The following ADGRF5 variants were observed in gnomAD, a reference collection of about 807,000 sequenced individuals.
ADGRF5 encodes the protein adhesion G protein-coupled receptor F5.
ADGRF5 carries 75 observed loss-of-function variants against 132.3 expected under a neutral mutation model. That is an observed-to-expected ratio of 0.57 (90% CI 0.47 to 0.69). ADGRF5 has a LOEUF of 0.69. ADGRF5 is among the 30% of genes least tolerant of loss of function. ADGRF5 has a pLI of 0.00. For missense variants in ADGRF5, 1,516 were observed against 1,630.6 expected, an observed-to-expected ratio of 0.93 and a Z score of 1.21; for synonymous variants, 629 against 597.6, an observed-to-expected ratio of 1.05 and a Z score of -0.77.
chr6:46,879,792 A>C, intron 9 of ADGRF5, 26 bp downstream of exon 9: 1 of 1,458,754 alleles, frequency 6.9e-7, no homozygotes, highest in Non-Finnish European at 9.6e-7. Flanking sequence ...TCCATTCCTC[A>C]CACAAGTTAC....
intron 2 of ADGRF5, among the ~76,000 whole-genome samples, chr6:46,904,484 T>A (rs779962311): frequency 1.3e-5 from 2 of 152,290 alleles, no homozygotes; most frequent in East Asian, 1.9e-4. Context: ...CTACAGGAGT[T>A]ATCTAGAATC....
At chr6:46,887,040 C>G (rs980911908) in intron 4 of ADGRF5, 2 of 152,068 alleles carry the variant, frequency 1.3e-5, no homozygotes, top group Admixed American at 6.6e-5. Context: ...TGAAGTCATC[C>G]CATCTCTAGT....
chr6:46,934,072 T>TA (rs1348215441), intron 1 of ADGRF5, among the ~76,000 whole-genome samples: 3 of 152,200 alleles, frequency 2.0e-5, no homozygotes, highest in Non-Finnish European at 4.4e-5. Flanking sequence ...TGCACATACT[T>TA]ACGGCACATC....
At chr6:46,883,000 ACT>A (rs1772650461) in intron 6 of ADGRF5, among the ~76,000 whole-genome samples, 1 of 152,206 alleles carries the variant, frequency 6.6e-6, no homozygotes, top group African/African-American at 2.4e-5. Flanking sequence ...AAATATGTTA[ACT>A]CTAGCAAAGT....
At position 46,852,963 on chromosome 6, in the gene ADGRF5, A is replaced by G. The variant is rs1768650967; in HGVS notation, c.*1029T>C. The G allele has an allele frequency of 6.6e-6, 1 of 152,632 alleles. No individual in the cohort carries two copies. The highest frequency in any genetic ancestry group is 1.9e-4 in the East Asian group (1 of 5,196). The allele number at this position is 152,632 out of a possible 1,614,324, so 9.5% of individuals were successfully genotyped here. A position where few individuals can be genotyped will look rare whatever the true frequency, so the allele number is the denominator to read the frequency against. ...ATAAGATTATTAAAATCTATTCTATAATGCACAGAGAAGTACCTGCTTGAA... is the reference window on the plus strand; with the variant it reads ...ATAAGATTATTAAAATCTATTCTATGATGCACAGAGAAGTACCTGCTTGAA... On this transcript the variant is annotated 3_prime_UTR_variant, in exon 21 of 21. Coordinates refer to ENST00000283296, the MANE Select transcript of ADGRF5 (RefSeq NM_001098518.2).
At chr6:46,932,522 C>T (rs932108487) in intron 1 of ADGRF5, among the ~76,000 whole-genome samples, 8 of 152,090 alleles carry the variant, frequency 5.3e-5, no homozygotes, top group Admixed American at 5.2e-4. Flanking sequence ...ACATTAATGC[C>T]CCCTGAAGCC....
intron 1 of ADGRF5, among the ~76,000 whole-genome samples, chr6:46,915,135 C>T (rs182938834): frequency 3.2e-4 from 48 of 152,098 alleles, no homozygotes; most frequent in Admixed American, 1.1e-3. Flanking sequence ...GGATTATAGA[C>T]GTGAGCCACT....
Position 46,878,186 on chromosome 6 carries a change from T to C in ADGRF5, c.1240+16A>G. 6.4e-7 allele frequency: 1 copy of C among 1,565,258 alleles called. No individual in the cohort carries two copies. The highest frequency in any genetic ancestry group is 8.8e-7 in the Non-Finnish European group (1 of 1,135,378). On this transcript the variant is annotated intron_variant, in intron 10 of 20. Coordinates refer to ENST00000283296, the MANE Select transcript of ADGRF5 (RefSeq NM_001098518.2). ...GCAAAAACCTATTTGCAAAAGGGCT[T>C]ATCTAACATTCTCACCTGGAATATT... is the stretch of plus-strand genomic sequence containing the variant.
At chr6:46,943,065 A>G (rs1778155106) in intron 1 of ADGRF5, among the ~76,000 whole-genome samples, 1 of 152,172 alleles carries the variant, frequency 6.6e-6, no homozygotes, top group Non-Finnish European at 1.5e-5. Flanking sequence ...GACACAGGAA[A>G]TTGTTGACTA....
intron 2 of ADGRF5, among the ~76,000 whole-genome samples, chr6:46,902,319 A>T (rs1224279485): frequency 6.6e-6 from 1 of 152,060 alleles, no homozygotes; most frequent in Non-Finnish European, 1.5e-5. Flanking sequence ...CAGTTAGGGG[A>T]CTCAGACAAC....
At chr6:46,878,029 T>C (rs767294255) in intron 10 of ADGRF5, among the ~76,000 whole-genome samples, 173 bp downstream of exon 10, 1 of 152,194 alleles carries the variant, frequency 6.6e-6, no homozygotes, top group Non-Finnish European at 1.5e-5. Context: ...TTTTGGGGTC[T>C]TGTTCTAGAG....
intron 10 of ADGRF5, among the ~76,000 whole-genome samples, chr6:46,873,185 C>T (rs532327608): frequency 1.3e-5 from 2 of 152,114 alleles, no homozygotes; most frequent in South Asian, 2.1e-4. Context: ...TCCCCTTCAA[C>T]CCCCAGATAC....
chr6:46,923,834 G>A (rs1245465865), upstream of ADGRF5, among the ~76,000 whole-genome samples: 1 of 152,216 alleles, frequency 6.6e-6, no homozygotes, highest in Non-Finnish European at 1.5e-5. Flanking sequence ...AGAATGAACT[G>A]TGGATGGAGA....
At chr6:46,877,626 G>A (rs1771965118) in intron 10 of ADGRF5, among the ~76,000 whole-genome samples, 1 of 151,804 alleles carries the variant, frequency 6.6e-6, no homozygotes, top group South Asian at 2.1e-4. Flanking sequence ...GGGAACTTTA[G>A]GTAAGATTTC....
chr6:46,914,184 C>A lies in ADGRF5; in HGVS notation c.-24-7398G>T, dbSNP rs1283806834. On this transcript the variant is annotated intron_variant, in intron 1 of 20. Coordinates refer to ENST00000283296, the MANE Select transcript of ADGRF5 (RefSeq NM_001098518.2). The stretch of plus-strand genomic sequence containing the variant: ...ACTATGATTATTACTCTGCTCATCT[C>A]CATGAGATACAGAGTTGCAATAAGG... Among the ~76,000 whole-genome samples, 4 of 152,282 alleles carry A rather than the reference C, an allele frequency of 2.6e-5. No homozygotes were observed. In the East Asian group the frequency reaches 7.7e-4, roughly 29 times the overall value.
chr6:46,953,325 G>C (rs529660146), intron 1 of ADGRF5, among the ~76,000 whole-genome samples: 108 of 152,168 alleles, frequency 7.1e-4, no homozygotes, highest in African/African-American at 2.5e-3. Flanking sequence ...GAGTGCAATA[G>C]AAATATTTCA....
Position 46,858,876 on chromosome 6 carries a change from T to G in ADGRF5, c.3027A>C (p.Gly1009=), listed in dbSNP as rs1769372074. 6.2e-7 allele frequency: 1 copy of G among 1,613,982 alleles called. No individual in the cohort carries two copies. Among genetic ancestry groups the G allele is most frequent in the Non-Finnish European group, 8.5e-7 (1 of 1,179,954 alleles). ...CATAAGAAATAATATCCAGGAGTAT[T>G]CCCAGGAGAGAACTAGGATCTGGGG... ...PDSPDPSSLL[G]ILLDIISYVG... is the part of the protein sequence containing the mutation. Residue 1009 remains glycine, a synonymous_variant, in exon 17 of 21, where the codon GGA becomes GGC. Transcript: ENST00000283296.
chr6:46,890,015 A>T (rs573066951), intron 3 of ADGRF5, among the ~76,000 whole-genome samples: 1 of 152,208 alleles, frequency 6.6e-6, no homozygotes, highest in South Asian at 2.1e-4. Flanking sequence ...GCTAGAATAT[A>T]TAACTGAAGC....
At chr6:46,919,619 C>T (rs1173126910) in intron 1 of ADGRF5, among the ~76,000 whole-genome samples, 1 of 152,154 alleles carries the variant, frequency 6.6e-6, no homozygotes, top group East Asian at 1.9e-4. Flanking sequence ...GTAAGTGAGG[C>T]AGTGTTAGTC....
Sources: gnomAD v4.1 joint callset for allele counts (sites outside exome capture counted in the v4.1 genomes callset) on GRCh38, gnomAD v4.1.1 for gene constraint, MANE v1.5 for transcripts, NCBI Gene and HGNC (gene_info 2026-07-23, HGNC 2026-07-21) for gene names.